LAD1: variants seen among roughly 807,000 people sequenced by gnomAD.
LAD1 encodes ladinin-1.
Under a neutral mutation model 54.2 loss-of-function variants are expected in LAD1, and 53 were observed. The observed-to-expected ratio is 0.98, with a 90% confidence interval of 0.78 to 1.23. The LOEUF (loss-of-function observed/expected upper bound fraction) is 1.23. Among genes scored for constraint, LAD1 ranks in the 50% most tolerant of loss-of-function variants. The probability of loss-of-function intolerance (pLI) is 0.00; values close to 1 mark genes in which losing one functional copy is unlikely to be tolerated. For missense variants in LAD1, 637 were observed against 653.3 expected (o/e 0.98, Z 0.27); for synonymous variants, 231 against 257.7 (o/e 0.90, Z 0.99).
chr1:201,398,967 A>G (rs937329119), intron 1 of LAD1, among the ~76,000 whole-genome samples: 2 of 151,782 alleles, frequency 1.3e-5, no homozygotes, highest in African/African-American at 2.4e-5. Flanking sequence ...ATCCCCCAAA[A>G]CGTTCCTTCC....
chr1:201,389,150 G>A lies in LAD1; in HGVS notation c.182+10C>T. 1 of 1,613,150 alleles carries A rather than the reference G, an allele frequency of 6.2e-7. No homozygotes were observed. The highest frequency in any genetic ancestry group is 8.5e-7 in the Non-Finnish European group (1 of 1,179,302). The stretch of plus-strand genomic sequence containing the variant: ...TCCCCATCCATCAGGATAGAAACCT[G>A]AGCACCTACCTCTCAGAAGCAGAGG... On this transcript the variant is annotated intron_variant, in intron 2 of 9. Coordinates refer to ENST00000391967, the MANE Select transcript of LAD1 (RefSeq NM_005558.4).
At chr1:201,384,016 G>A (rs1453038085) in intron 5 of LAD1, among the ~76,000 whole-genome samples, 1 of 152,180 alleles carries the variant, frequency 6.6e-6, no homozygotes, top group Non-Finnish European at 1.5e-5. Flanking sequence ...GCTCTCACAG[G>A]CTGAGCAGGT....
chr1:201,383,209 T>C lies in LAD1; in HGVS notation c.1251A>G (p.Arg417=). Residue 417 remains arginine, a splice_region_variant and synonymous_variant, in exon 7 of 10, where the codon AGA becomes AGG. Transcript: ENST00000391967. ...KLERYHTAIR[R]SESVKSRGLP... is the part of the protein sequence containing the mutation. The stretch of plus-strand genomic sequence containing the variant: ...GACCCCGAGACTTGACAGATTCTGA[T>C]CTCTGGGAACCAAGAACACCAACAG... 2 of 1,613,552 alleles carry C rather than the reference T, an allele frequency of 1.2e-6. No individual in the cohort carries two copies. The highest frequency in any genetic ancestry group is 1.7e-6 in the Non-Finnish European group (2 of 1,179,692).
At chr1:201,383,696 T>C in intron 5 of LAD1, 1 of 407,676 alleles carries the variant, frequency 2.5e-6, no homozygotes, top group South Asian at 2.1e-5. Flanking sequence ...ATCACAGCAA[T>C]CGCCACTTAC....
intron 1 of LAD1, among the ~76,000 whole-genome samples, chr1:201,392,815 A>G (rs907436566): frequency 1.3e-5 from 2 of 151,530 alleles, no homozygotes; most frequent in African/African-American, 4.9e-5. Context: ...TGAAAGGGCC[A>G]GGGGAGAGGG....
At position 201,381,758 on chromosome 1, in the gene LAD1, C is replaced by A. The variant is rs1571717801; in HGVS notation, c.*130G>T. The A allele has an allele frequency of 1.9e-6, 2 of 1,061,216 alleles. No homozygotes were observed. Among genetic ancestry groups the A allele is most frequent in the Non-Finnish European group, 2.9e-6 (2 of 680,214 alleles). The allele number at this position is 1,061,216 out of a possible 1,614,324, so 65.7% of individuals were successfully genotyped here. A position where few individuals can be genotyped will look rare whatever the true frequency, so the allele number is the denominator to read the frequency against. On this transcript the variant is annotated 3_prime_UTR_variant, in exon 10 of 10. Coordinates refer to ENST00000391967, the MANE Select transcript of LAD1 (RefSeq NM_005558.4). ...ATATTCCTGACCCCAGGGACCCTGG[C>A]CAAACAGATCCACAGGCAAAAAGGG... is the stretch of plus-strand genomic sequence containing the variant.
chr1:201,384,542 G>A (rs10920188), intron 5 of LAD1, among the ~76,000 whole-genome samples: 76,833 of 151,492 alleles, frequency 0.51, 20,835 homozygotes, highest in Admixed American at 0.63. Context: ...CCCCCTTTGG[G>A]GCCCCACCCA....
At chr1:201,393,296 T>A (rs1169872796) in intron 1 of LAD1, among the ~76,000 whole-genome samples, 1 of 151,860 alleles carries the variant, frequency 6.6e-6, no homozygotes, top group Non-Finnish European at 1.5e-5. Flanking sequence ...GCGAGGGGAA[T>A]GAGACCAAGA....
intron 1 of LAD1, among the ~76,000 whole-genome samples, chr1:201,397,772 C>G (rs1484177978): frequency 6.6e-6 from 1 of 150,974 alleles, no homozygotes; most frequent in African/African-American, 2.4e-5. Context: ...GATGTGTCAT[C>G]TCTTCATAGG....
rs751335322 is a variant in LAD1, at chr1:201,385,716, C to A, written c.1116G>T (p.Arg372Ser). The change falls in exon 4 of 10, where the codon AGG becomes AGT. Residue 372 changes from arginine to serine, a missense_variant. By Grantham distance (110) the Arg-to-Ser change is moderately radical (BLOSUM62 -1). Transcript: ENST00000391967. ...YSSSLKRSSP[R>S]TISFRMKPKK... Reference sequence around the variant, plus strand: ...GGGCTCTCACCCGAAAGGAGATGGTCCTGGGGCTGGAGCGTTTGAGGGAGC... The same window carrying A: ...GGGCTCTCACCCGAAAGGAGATGGTACTGGGGCTGGAGCGTTTGAGGGAGC... The A allele has an allele frequency of 1.2e-6, 2 of 1,613,932 alleles. No homozygotes were observed. Among genetic ancestry groups the A allele is most frequent in the South Asian group, 1.1e-5 (1 of 91,078 alleles).
chr1:201,392,510 G>A (rs1662213067), intron 1 of LAD1, among the ~76,000 whole-genome samples: 1 of 152,240 alleles, frequency 6.6e-6, no homozygotes, highest in South Asian at 2.1e-4. Context: ...ATGAGGAGGA[G>A]GCAGCAGAGC....
At chr1:201,394,128 C>T (rs1459445303) in intron 1 of LAD1, among the ~76,000 whole-genome samples, 1 of 152,112 alleles carries the variant, frequency 6.6e-6, no homozygotes, top group Non-Finnish European at 1.5e-5. Context: ...GTGCCCAGTA[C>T]GGTGCCCGGC....
At position 201,393,526 on chromosome 1, in the gene LAD1, ACC is replaced by A. The variant is rs530059626; in HGVS notation, c.39-4225_39-4224del. ...TTTGAGAGGCTGAGGCAGGTGGATC[ACC>A]TGAGGTCAGGAGTTCAAGACCAGCC... On this transcript the variant is annotated intron_variant, in intron 1 of 9. Coordinates refer to ENST00000391967, the MANE Select transcript of LAD1 (RefSeq NM_005558.4). Among the ~76,000 whole-genome samples the A allele has an allele frequency of 4.3e-3, 657 of 152,178 alleles. 5 individuals carry two copies. The highest frequency in any genetic ancestry group is 7.0e-3 in the Non-Finnish European group (475 of 67,984).
chr1:201,383,963 T>G (rs1382789626), intron 5 of LAD1, among the ~76,000 whole-genome samples: 1 of 152,232 alleles, frequency 6.6e-6, no homozygotes. Flanking sequence ...GCAAACTTCC[T>G]GCTAGTTCAT....
Position 201,394,727 on chromosome 1 carries a change from C to T in LAD1, c.38+4542G>A, listed in dbSNP as rs537946459. Among the ~76,000 whole-genome samples the T allele has an allele frequency of 2.0e-5, 3 of 152,338 alleles. No homozygotes were observed. The South Asian group carries it at 6.2e-4, about 32-fold the overall frequency. The stretch of plus-strand genomic sequence containing the variant: ...ACACGTGAGGCCACACCTCCAGCTC[C>T]CTCCTCTGGATGCACCCCGTCCCTT... On this transcript the variant is annotated intron_variant, in intron 1 of 9. Transcript: ENST00000391967.
rs139455501 is a variant in LAD1 at position 201,387,005 on chromosome 1, C to T, written c.356G>A (p.Arg119Lys). The T allele has an allele frequency of 6.8e-5, 109 of 1,608,962 alleles. No homozygotes were observed. Among genetic ancestry groups the T allele is most frequent in the Admixed American group, 1.2e-4 (7 of 59,140 alleles). ...IQERLEAEEGRNSLSPVQATQ... is the reference protein window; with the variant it reads ...IQERLEAEEGKNSLSPVQATQ... The stretch of plus-strand genomic sequence containing the variant: ...GGCCTGCACAGGGCTCAAGCTGTTC[C>T]TCCCCTCCTCTGCCTCCAGCCTCTC... Residue 119 changes from arginine to lysine, a missense_variant, in exon 3 of 10, where the codon AGG becomes AAG. Arg to Lys is a conservative substitution (Grantham distance 26). Coordinates refer to ENST00000391967, the MANE Select transcript of LAD1 (RefSeq NM_005558.4).
rs1319456937 is a variant in LAD1 at position 201,381,781 on chromosome 1, G to A, written c.*107C>T. 3.9e-6 allele frequency: 5 copies of A among 1,273,214 alleles called. No homozygotes were observed. Among genetic ancestry groups the A allele is most frequent in the Non-Finnish European group, 5.7e-6 (5 of 869,574 alleles). 78.9% of individuals were successfully genotyped at this position (1,273,214 alleles called of 1,614,324 possible). On this transcript the variant is annotated 3_prime_UTR_variant, in exon 10 of 10. Coordinates refer to ENST00000391967, the MANE Select transcript of LAD1 (RefSeq NM_005558.4). ...GGCCAAACAGATCCACAGGCAAAAA[G>A]GGAACAGGGACAATGAGAGGAAAGG...
intron 1 of LAD1, among the ~76,000 whole-genome samples, 163 bp from the exon 2 acceptor site, chr1:201,389,466 G>A (rs577708563): frequency 5.3e-5 from 8 of 152,366 alleles, no homozygotes; most frequent in East Asian, 1.9e-4. Context: ...ACCAAGGCAT[G>A]CTGTGTGAAA....
At chr1:201,382,448 C>T (rs1661981794) in intron 8 of LAD1, 122 bp from the exon 9 acceptor site, 1 of 849,992 alleles carries the variant, frequency 1.2e-6, no homozygotes, top group African/African-American at 1.7e-5. Flanking sequence ...AAAAGGAACC[C>T]AGACCCACCC....
Sources: gnomAD v4.1 joint callset for allele counts (sites outside exome capture counted in the v4.1 genomes callset) on GRCh38, gnomAD v4.1.1 for gene constraint, MANE v1.5 for transcripts, NCBI Gene and HGNC (gene_info 2026-07-23, HGNC 2026-07-21) for gene names.